Variants in KLF12 observed in about 807,000 individuals in gnomAD.
KLF12 encodes the protein Krueppel-like factor 12.
A neutral mutation model predicts 37.8 loss-of-function variants in KLF12; 9 were observed. The observed-to-expected ratio is 0.24, with a 90% confidence interval of 0.14 to 0.42. The LOEUF is 0.42. Among genes scored for constraint, KLF12 ranks in the 10% least tolerant of loss-of-function variants. The pLI, the probability that KLF12 is intolerant of heterozygous loss-of-function variation, is 1.00. For missense variants in KLF12, 411 were observed against 516.0 expected (o/e 0.80, Z 1.97); for synonymous variants, 208 against 202.1 (o/e 1.03, Z -0.25).
the KLF12 span, among the ~76,000 whole-genome samples, chr13:74,142,357 G>C: frequency 2.6e-5 from 4 of 152,352 alleles, no homozygotes; most frequent in East Asian, 5.8e-4. Flanking sequence ...ATTCAAATGA[G>C]AGTGAAGCAG....
chr13:73,825,888 T>A (rs1253183303), intron 4 of KLF12, among the ~76,000 whole-genome samples: 1 of 152,094 alleles, frequency 6.6e-6, no homozygotes, highest in East Asian at 1.9e-4. Context: ...ACCAAACCCA[T>A]CTGCTAATAA....
chr13:74,279,511 T>A, the KLF12 span, among the ~76,000 whole-genome samples: 1 of 99,708 alleles, frequency 1.0e-5, no homozygotes, highest in African/African-American at 3.9e-5. Flanking sequence ...TAAACAGAAA[T>A]TTTGTTCATT....
chr13:73,867,515 C>T (rs1886236338), intron 3 of KLF12, among the ~76,000 whole-genome samples: 2 of 151,402 alleles, frequency 1.3e-5, no homozygotes, highest in South Asian at 4.2e-4. Flanking sequence ...GAGTAATAGA[C>T]AAGCCTACAA....
chr13:73,804,300 C>G (rs372798763), intron 5 of KLF12, among the ~76,000 whole-genome samples: 2 of 152,172 alleles, frequency 1.3e-5, no homozygotes, highest in South Asian at 2.1e-4. Context: ...ATGAGTCATT[C>G]ATTCTGTATC....
intron 3 of KLF12, among the ~76,000 whole-genome samples, chr13:73,870,429 T>C (rs1241677002): frequency 6.6e-6 from 1 of 152,248 alleles, no homozygotes; most frequent in East Asian, 1.9e-4. Flanking sequence ...TTGGTTTCTA[T>C]GGTTAGCACT....
At chr13:73,742,581 C>T (rs113178211) in intron 6 of KLF12, among the ~76,000 whole-genome samples, 2,815 of 152,188 alleles carry the variant, frequency 0.018, 71 homozygotes, top group African/African-American at 0.061. Context: ...ATTCCCCTTC[C>T]GCCCTGGCCC....
At chr13:73,888,953 C>T (rs1170001656) in intron 3 of KLF12, among the ~76,000 whole-genome samples, 2 of 152,228 alleles carry the variant, frequency 1.3e-5, no homozygotes, top group African/African-American at 4.8e-5. Context: ...AATGCTAGAA[C>T]TGTGTTCCTA....
At chr13:74,163,508 T>C in the KLF12 span, among the ~76,000 whole-genome samples, 6 of 152,286 alleles carry the variant, frequency 3.9e-5, no homozygotes, top group Non-Finnish European at 7.4e-5. Context: ...ATGTTTTCAC[T>C]TATTTGTGGG....
At chr13:74,127,383 G>A (rs1207305857) in intron 1 of KLF12, among the ~76,000 whole-genome samples, 1 of 152,170 alleles carries the variant, frequency 6.6e-6, no homozygotes, top group Non-Finnish European at 1.5e-5. Context: ...TTAGAACAAG[G>A]CAAATCAACA....
chr13:73,836,140 A>G (rs1019469424), intron 4 of KLF12, among the ~76,000 whole-genome samples: 2 of 152,196 alleles, frequency 1.3e-5, no homozygotes, highest in Non-Finnish European at 2.9e-5. Context: ...TGGAGAAAGA[A>G]TTGAGTATGT....
At chr13:73,749,830 A>G (rs1166596540) in intron 6 of KLF12, among the ~76,000 whole-genome samples, 2 of 152,210 alleles carry the variant, frequency 1.3e-5, no homozygotes, top group African/African-American at 4.8e-5. Context: ...AAAAGTGGTT[A>G]TATTTAAAAG....
intron 1 of KLF12, among the ~76,000 whole-genome samples, chr13:74,023,890 G>C (rs1478756135): frequency 1.3e-5 from 2 of 152,148 alleles, no homozygotes; most frequent in Non-Finnish European, 2.9e-5. Flanking sequence ...TGGTGATCTT[G>C]AAGAAAAGGG....
At chr13:74,281,330 G>A in the KLF12 span, among the ~76,000 whole-genome samples, 2 of 152,082 alleles carry the variant, frequency 1.3e-5, no homozygotes, top group Non-Finnish European at 2.9e-5. Flanking sequence ...AAAGGTGAAA[G>A]GTTATTCCTG....
rs202143054 is a variant in KLF12, at chr13:73,994,465, GC to G, written c.33+524del. ...TTTGAGGACTGTTGAAATTCACAGC[GC>G]CCCCCCCACCACCACACTTTCATTC... On this transcript the variant is annotated intron_variant, in intron 2 of 7. Transcript: ENST00000377669. Among the ~76,000 whole-genome samples, 87 of 146,302 alleles carry G rather than the reference GC, an allele frequency of 5.9e-4. 1 individual carries two copies. Among genetic ancestry groups the G allele is most frequent in the Admixed American group, 1.4e-3 (20 of 14,700 alleles).
At chr13:74,289,848 A>C in the KLF12 span, among the ~76,000 whole-genome samples, 1 of 152,220 alleles carries the variant, frequency 6.6e-6, no homozygotes, top group Non-Finnish European at 1.5e-5. Context: ...AAACTGGGAA[A>C]GGAAGAGATA....
chr13:73,939,031 C>T (rs895935025), intron 3 of KLF12, among the ~76,000 whole-genome samples: 4 of 152,162 alleles, frequency 2.6e-5, no homozygotes, highest in Admixed American at 2.0e-4. Flanking sequence ...CAATCTCTTT[C>T]CCTGTTTCTG....
chr13:73,835,387 T>C (rs1454437645), intron 4 of KLF12, among the ~76,000 whole-genome samples: 2 of 152,180 alleles, frequency 1.3e-5, no homozygotes, highest in Admixed American at 6.5e-5. Flanking sequence ...CATGGTTCCA[T>C]ATTACATGAC....
At chr13:73,814,137 C>G (rs986618088) in intron 4 of KLF12, among the ~76,000 whole-genome samples, 4 of 152,208 alleles carry the variant, frequency 2.6e-5, no homozygotes, top group Non-Finnish European at 4.4e-5. Flanking sequence ...GAATTTCTAT[C>G]AGCCCTCGCT....
At chr13:73,863,864 C>A (rs1258541909) in intron 3 of KLF12, among the ~76,000 whole-genome samples, 3 of 152,134 alleles carry the variant, frequency 2.0e-5, no homozygotes, top group Non-Finnish European at 4.4e-5. Flanking sequence ...ACATTAATAT[C>A]TCTGCAGTAA....
Sources: allele counts gnomAD v4.1 joint callset (sites outside exome capture counted in the v4.1 genomes callset), GRCh38; gene constraint gnomAD v4.1.1; transcripts MANE v1.5; gene names NCBI Gene and HGNC (gene_info 2026-07-23, HGNC 2026-07-21).